RAP1B: variants seen among roughly 807,000 people sequenced by gnomAD.
RAP1B encodes RAP1B, member of RAS oncogene family, also known as ras-related protein Rap-1b.
In RAP1B, 1 loss-of-function variant was observed where a neutral mutation model predicts 27.5. The observed-to-expected ratio is 0.04, with a 90% CI of 0.01 to 0.17. RAP1B has a LOEUF of 0.17. Ranked by LOEUF, RAP1B falls within the 10% of genes least tolerant of loss-of-function variation. RAP1B has a pLI of 1.00. For synonymous variants in RAP1B, 75 were observed against 73.1 expected (o/e 1.03, Z -0.13); for missense variants, 84 against 214.8 (o/e 0.39, Z 3.81).
Position 68,663,338 on chromosome 12 carries a change from C to T in RAP1B, c.*4089C>T, listed in dbSNP as rs889004786. 3.9e-5 allele frequency: 6 copies of T among 152,228 alleles called. No individual in the cohort carries two copies. The highest frequency in any genetic ancestry group is 3.3e-4 in the Admixed American group (5 of 15,274). 9.4% of individuals were successfully genotyped at this position (152,228 alleles called of 1,614,324 possible). On this transcript the variant is annotated 3_prime_UTR_variant, in exon 8 of 8. Transcript: ENST00000250559. ...TCAGCCTCCCAAAGTGCTGGGATTA[C>T]AGGTGTGAGCCACCGCACCCAGCCT...
At position 68,635,886 on chromosome 12, in the gene RAP1B, A is replaced by T. The variant is rs1057433869; in HGVS notation, c.-26-12813A>T. On this transcript the variant is annotated intron_variant, in intron 1 of 7. Transcript: ENST00000250559. Reference sequence around the variant, plus strand: ...TTTCCATTTTGGTTATACCCATGAAATTTTTTTTTTGTTACGAAGTCTTGC... The same window carrying T: ...TTTCCATTTTGGTTATACCCATGAATTTTTTTTTTTGTTACGAAGTCTTGC... 3.8e-4 allele frequency among the ~76,000 whole-genome samples: 23 copies of T among 60,632 alleles called. 1 individual carries two copies. Among genetic ancestry groups the T allele is most frequent in the African/African-American group, 8.8e-4 (13 of 14,836 alleles). 39.8% of individuals were successfully genotyped at this position (60,632 alleles called of 152,430 possible). A position where few individuals can be genotyped will look rare whatever the true frequency, so the allele number is the denominator to read the frequency against.
intron 1 of RAP1B, among the ~76,000 whole-genome samples, chr12:68,611,566 C>T (rs1870593339): frequency 6.6e-6 from 1 of 152,102 alleles, no homozygotes; most frequent in Non-Finnish European, 1.5e-5. Context: ...GGCGAGGAGC[C>T]TTCGGGGGAA....
intron 6 of RAP1B, 103 bp downstream of exon 6, chr12:68,656,552 G>T: frequency 8.7e-7 from 1 of 1,147,328 alleles, no homozygotes; most frequent in Non-Finnish European, 1.3e-6. Flanking sequence ...AGGGTAATAT[G>T]TTGATGTTAC....
At position 68,666,850 on chromosome 12, in the gene RAP1B, C is replaced by T. The variant is rs2135981911; in HGVS notation, c.*7601C>T. 1 of 152,222 alleles carries T rather than the reference C, an allele frequency of 6.6e-6. No individual in the cohort carries two copies. Among genetic ancestry groups the T allele is most frequent in the South Asian group, 2.1e-4 (1 of 4,822 alleles). The allele number at this position is 152,222 out of a possible 1,614,324, so 9.4% of individuals were successfully genotyped here. A position where few individuals can be genotyped will look rare whatever the true frequency, so the allele number is the denominator to read the frequency against. On this transcript the variant is annotated 3_prime_UTR_variant, in exon 8 of 8. Coordinates refer to ENST00000250559, the MANE Select transcript of RAP1B (RefSeq NM_001010942.3). ...GACCCTCAGGTCTCCCTAGAGAGATCCTGAGCACCTAGGAAAGCCCCAGAA... is the reference window on the plus strand; with the variant it reads ...GACCCTCAGGTCTCCCTAGAGAGATTCTGAGCACCTAGGAAAGCCCCAGAA...
intron 1 of RAP1B, among the ~76,000 whole-genome samples, chr12:68,617,779 T>G (rs1871130081): frequency 6.6e-6 from 1 of 152,238 alleles, no homozygotes; most frequent in East Asian, 1.9e-4. Flanking sequence ...GTACTATTTT[T>G]TTTTTTGACA....
At chr12:68,632,160 T>TTTTTTTTTTTTTTTTTC (rs150063055) in intron 1 of RAP1B, among the ~76,000 whole-genome samples, 1 of 144,726 alleles carries the variant, frequency 6.9e-6, no homozygotes. Context: ...GTTTTTTTTT[T>TTTTTTTTTTTTTTTTTC]CCAGACTGTT....
chr12:68,647,375 A>ACCCCCCCCCCC (rs1873488204), intron 1 of RAP1B, among the ~76,000 whole-genome samples: 1 of 7,362 alleles, frequency 1.4e-4, no homozygotes, highest in Admixed American at 1.4e-3. Flanking sequence ...CCTGCCCCCC[A>ACCCCCCCCCCC]CTCCACTCCC....
chr12:68,657,366 TATTA>T (rs907731517), intron 7 of RAP1B, 149 bp downstream of exon 7: 13 of 513,836 alleles, frequency 2.5e-5, no homozygotes, highest in Admixed American at 1.6e-4. Flanking sequence ...TATGCTATCT[TATTA>T]ATTATTTACT....
chr12:68,668,331 C>G lies in RAP1B; in HGVS notation c.*9082C>G, dbSNP rs368270341. 2.6e-5 allele frequency: 4 copies of G among 151,564 alleles called. No individual in the cohort carries two copies. The East Asian group carries it at 7.8e-4, about 29-fold the overall frequency. 9.4% of individuals were successfully genotyped at this position (151,564 alleles called of 1,614,324 possible). A position where few individuals can be genotyped will look rare whatever the true frequency, so the allele number is the denominator to read the frequency against. ...GAGCCAGTTGCACAGTGTTGATCTC[C>G]CTAAGACTATTATAATAAGGAAGGG... On this transcript the variant is annotated 3_prime_UTR_variant, in exon 8 of 8. Coordinates refer to ENST00000250559, the MANE Select transcript of RAP1B (RefSeq NM_001010942.3).
chr12:68,654,359 G>GC lies in RAP1B; in HGVS notation c.324+107_324+108insC, dbSNP rs374042586. The stretch of plus-strand genomic sequence containing the variant: ...AGCTTGTGTATTTTGGTTGGGGGGG[G>GC]GGTGTTGGTTTTTTTAAACTTTTTC... On this transcript the variant is annotated intron_variant, in intron 5 of 7. Coordinates refer to ENST00000250559, the MANE Select transcript of RAP1B (RefSeq NM_001010942.3). 171 of 441,306 alleles carry GC rather than the reference G, an allele frequency of 3.9e-4. 31 individuals are homozygous for GC. The highest frequency in any genetic ancestry group is 1.2e-3 in the African/African-American group (53 of 45,208). 27.3% of individuals were successfully genotyped at this position (441,306 alleles called of 1,614,324 possible).
chr12:68,660,744 G>A lies in RAP1B; in HGVS notation c.*1495G>A, dbSNP rs1234361848. The A allele has an allele frequency of 6.6e-6, 1 of 152,144 alleles. No individual in the cohort carries two copies. The highest frequency in any genetic ancestry group is 1.5e-5 in the Non-Finnish European group (1 of 68,014). 9.4% of individuals were successfully genotyped at this position (152,144 alleles called of 1,614,324 possible). On this transcript the variant is annotated 3_prime_UTR_variant, in exon 8 of 8. Coordinates refer to ENST00000250559, the MANE Select transcript of RAP1B (RefSeq NM_001010942.3). ...AACCACCTTTTGAACTTTTCCTTGA[G>A]AAATAATTTTGTAAATCAAGCAGTA...
chr12:68,634,895 A>G (rs1385797461), intron 1 of RAP1B, among the ~76,000 whole-genome samples: 1 of 152,238 alleles, frequency 6.6e-6, no homozygotes, highest in Non-Finnish European at 1.5e-5. Context: ...TACTAGCAGT[A>G]TTAATCCATG....
At chr12:68,653,931 A>G (rs2135965847) in intron 4 of RAP1B, among the ~76,000 whole-genome samples, 181 bp from the exon 5 acceptor site, 1 of 150,468 alleles carries the variant, frequency 6.6e-6, no homozygotes, top group Non-Finnish European at 1.5e-5. Flanking sequence ...CTCCGTCTCA[A>G]AAAAAAAAAG....
intron 1 of RAP1B, among the ~76,000 whole-genome samples, chr12:68,621,034 A>G (rs1015747712): frequency 6.6e-6 from 1 of 152,180 alleles, no homozygotes; most frequent in African/African-American, 2.4e-5. Context: ...CCCTAGAGAG[A>G]TTAAAATGGA....
chr12:68,660,052 A>T lies in RAP1B; in HGVS notation c.*803A>T. 1 of 130,306 alleles carries T rather than the reference A, an allele frequency of 7.7e-6. No individual in the cohort carries two copies. The highest frequency in any genetic ancestry group is 8.3e-5 in the Admixed American group (1 of 12,046). 8.1% of individuals were successfully genotyped at this position (130,306 alleles called of 1,614,324 possible). ...TTTAATGATTTAACAATTTTTGTAAATCATTTTCAGGCTTCTGCAGCTGTA... is the reference window on the plus strand; with the variant it reads ...TTTAATGATTTAACAATTTTTGTAATTCATTTTCAGGCTTCTGCAGCTGTA... On this transcript the variant is annotated 3_prime_UTR_variant, in exon 8 of 8. Coordinates refer to ENST00000250559, the MANE Select transcript of RAP1B (RefSeq NM_001010942.3).
intron 1 of RAP1B, among the ~76,000 whole-genome samples, chr12:68,620,069 CTTT>C (rs1871285866): frequency 6.6e-6 from 1 of 151,566 alleles, no homozygotes. Context: ...TTAGTAATGT[CTTT>C]TTGACCTGAG....
At chr12:68,653,998 A>G (rs1462428861) in intron 4 of RAP1B, 114 bp from the exon 5 acceptor site, 19 of 896,996 alleles carry the variant, frequency 2.1e-5, no homozygotes, top group Non-Finnish European at 2.9e-5. Context: ...AATTTTAACA[A>G]AGTTACATAA....
intron 1 of RAP1B, among the ~76,000 whole-genome samples, chr12:68,643,628 A>G (rs1873181939): frequency 6.6e-6 from 1 of 152,138 alleles, no homozygotes; most frequent in Admixed American, 6.5e-5. Flanking sequence ...TACCCTCACC[A>G]TTAGTTTATT....
chr12:68,618,977 A>G (rs528752504), intron 1 of RAP1B, among the ~76,000 whole-genome samples: 27 of 152,106 alleles, frequency 1.8e-4, no homozygotes, highest in Admixed American at 9.8e-4. Context: ...GTGGTCATGC[A>G]CATCTACAGC....
Sources: gnomAD v4.1 joint callset for allele counts (sites outside exome capture counted in the v4.1 genomes callset) on GRCh38, gnomAD v4.1.1 for gene constraint, MANE v1.5 for transcripts, NCBI Gene and HGNC (gene_info 2026-07-23, HGNC 2026-07-21) for gene names.